NOL7: variants seen among roughly 807,000 people sequenced by gnomAD.
NOL7 encodes U3 small nucleolar RNA-associated protein NOL7.
Under a neutral mutation model 38.4 loss-of-function variants are expected in NOL7, and 36 were observed. The observed-to-expected ratio is 0.94, with a 90% CI of 0.72 to 1.24. NOL7 has a LOEUF of 1.24. Ranked by LOEUF, NOL7 falls within the 50% of genes most tolerant of loss-of-function variation. The probability of loss-of-function intolerance (pLI) is 0.00; values close to 1 mark genes in which losing one functional copy is unlikely to be tolerated. For synonymous variants in NOL7, 142 were observed against 126.5 expected (o/e 1.12, Z -0.82); for missense variants, 350 against 315.1 (o/e 1.11, Z -0.84).
chr6:13,623,926 TAAG>T (rs145622944), downstream of NOL7, among the ~76,000 whole-genome samples: 875 of 152,322 alleles, frequency 5.7e-3, 3 homozygotes, highest in African/African-American at 0.02. Flanking sequence ...AACTAAATTG[TAAG>T]AAAACTGGTC....
downstream of NOL7, among the ~76,000 whole-genome samples, chr6:13,623,884 TCAA>T (rs534344566): frequency 1.3e-3 from 201 of 152,320 alleles, 2 homozygotes; most frequent in African/African-American, 4.7e-3. Flanking sequence ...ATAATGGTGC[TCAA>T]CAATTAAATT....
At chr6:13,630,963 C>T (rs895023897) in intron 8 of NOL7, among the ~76,000 whole-genome samples, 5 of 152,066 alleles carry the variant, frequency 3.3e-5, no homozygotes, top group African/African-American at 1.2e-4. Flanking sequence ...GCGCCCGCCA[C>T]CAGGCCCAGC....
chr6:13,623,575 C>G (rs1017230874), downstream of NOL7, among the ~76,000 whole-genome samples: 41 of 152,094 alleles, frequency 2.7e-4, no homozygotes, highest in African/African-American at 9.4e-4. Context: ...CAGGGAAGAC[C>G]GTGCTCAAAG....
At chr6:13,616,625 C>A in intron 3 of NOL7, 104 bp downstream of exon 3, 2 of 752,872 alleles carry the variant, frequency 2.7e-6, no homozygotes, top group East Asian at 2.8e-5. Context: ...ATTGTAGAAC[C>A]CAAATTCAAA....
downstream of NOL7, among the ~76,000 whole-genome samples, chr6:13,626,546 C>G (rs1266085195): frequency 6.6e-6 from 1 of 152,186 alleles, no homozygotes; most frequent in Non-Finnish European, 1.5e-5. Context: ...TTAGCAGTAT[C>G]AGTTCATTCT....
At chr6:13,620,687 G>T in intron 7 of NOL7, 67 bp from the exon 8 acceptor site, 1 of 1,082,482 alleles carries the variant, frequency 9.2e-7, no homozygotes, top group South Asian at 1.5e-5. Context: ...CATTCATATA[G>T]AGTAATTAAA....
chr6:13,629,610 T>C (rs1764718070), intron 8 of NOL7, among the ~76,000 whole-genome samples: 1 of 152,160 alleles, frequency 6.6e-6, no homozygotes, highest in Non-Finnish European at 1.5e-5. Flanking sequence ...CTTCAGTTAC[T>C]AAAGGGTCCT....
At chr6:13,625,569 CA>C, downstream of NOL7, 1 of 808,854 alleles carries the variant, frequency 1.2e-6, no homozygotes, top group Non-Finnish European at 2.0e-6. Context: ...ATGATTTTAC[CA>C]AAGTGTAAAT....
intron 7 of NOL7, 42 bp downstream of exon 7, chr6:13,620,527 T>G (rs891063815): frequency 1.3e-6 from 2 of 1,525,704 alleles, no homozygotes; most frequent in African/African-American, 2.7e-5. Context: ...TAGCTTTATA[T>G]GTTGAATAAT....
chr6:13,630,700 A>T (rs1188292521), intron 8 of NOL7, among the ~76,000 whole-genome samples: 3 of 152,128 alleles, frequency 2.0e-5, no homozygotes, highest in Non-Finnish European at 4.4e-5. Context: ...TATATAGTGG[A>T]ATTTTCCAGA....
chr6:13,620,253 G>C lies in NOL7; in HGVS notation c.546G>C (p.Leu182=). The C allele has an allele frequency of 1.2e-6, 2 of 1,614,158 alleles. No individual in the cohort carries two copies. Among genetic ancestry groups the C allele is most frequent in the South Asian group, 1.1e-5 (1 of 91,086 alleles). Residue 182 remains leucine (L), a synonymous_variant, in exon 6 of 8, where the codon CTG becomes CTC. Coordinates refer to ENST00000451315, the MANE Select transcript of NOL7 (RefSeq NM_016167.5). ...CCGTAAGGCTAAAAGACCAAGATCTGAGAGATTCAAGGCAACAAGCAGCAC... is the reference window on the plus strand; with the variant it reads ...CCGTAAGGCTAAAAGACCAAGATCTCAGAGATTCAAGGCAACAAGCAGCAC... The part of the protein sequence containing the change: ...YLAVRLKDQD[L]RDSRQQAAQA...
In NOL7 at chr6:13,615,567, C is replaced by T; in HGVS notation, c.209C>T (p.Ala70Val). Residue 70 changes from alanine (A) to valine (V), a missense_variant, in exon 1 of 8, where the codon GCC becomes GTC. Coordinates refer to ENST00000451315, the MANE Select transcript of NOL7 (RefSeq NM_016167.5). ...DDEAPEELTF[A>V]SAQAEAREEE... ...GAGGCCCCGGAGGAGCTGACTTTCG[C>T]CAGCGCCCAGGCGGAAGCGAGAGAA... The T allele has an allele frequency of 6.4e-7, 1 of 1,567,568 alleles. No individual in the cohort carries two copies. The highest frequency in any genetic ancestry group is 8.7e-7 in the Non-Finnish European group (1 of 1,154,906).
rs1484307755 is a variant in NOL7, at chr6:13,620,406, A to G, written c.623-2A>G. 1.2e-6 allele frequency: 2 copies of G among 1,613,946 alleles called. No homozygotes were observed. Among genetic ancestry groups the G allele is most frequent in the African/African-American group, 2.7e-5 (2 of 74,926 alleles). On this transcript the variant is annotated splice_acceptor_variant, in intron 6 of 7. Coordinates refer to ENST00000451315, the MANE Select transcript of NOL7 (RefSeq NM_016167.5). LOFTEE classifies it high-confidence loss of function. ...GAAATGATAAATACCTTTCTTTTCT[A>G]GTAAATAAGTTCCTGTCTCTTGCCA... is the stretch of plus-strand genomic sequence containing the variant.
At chr6:13,626,855 A>G (rs560231015) in intron 8 of NOL7, among the ~76,000 whole-genome samples, 1 of 152,314 alleles carries the variant, frequency 6.6e-6, no homozygotes, top group African/African-American at 2.4e-5. Context: ...ATGAAAGCAG[A>G]GGTGGGGGAA....
chr6:13,622,380 C>T (rs751481700), downstream of NOL7: 2 of 1,592,582 alleles, frequency 1.3e-6, no homozygotes, highest in South Asian at 1.1e-5. Flanking sequence ...GGTAGTCTTC[C>T]ACTGTGGCAA....
intron 3 of NOL7, among the ~76,000 whole-genome samples, chr6:13,616,726 G>C (rs1021276174): frequency 6.6e-6 from 1 of 152,206 alleles, no homozygotes; most frequent in Non-Finnish European, 1.5e-5. Flanking sequence ...CCCATAGCTA[G>C]CTTTTGAATT....
In NOL7 at chr6:13,620,158, A is replaced by AG. The variant is rs370614176; in HGVS notation, c.501-49dup. 6.5e-5 allele frequency: 101 copies of AG among 1,564,864 alleles called. No individual in the cohort carries two copies. In the Middle Eastern group the frequency reaches 6.8e-4, roughly 11 times the overall value. ...ACTCTGTCTCAGGAAGAAAAAAAAA[A>AG]GAAAGTAAGCATGTGTAATTCTTAT... On this transcript the variant is annotated intron_variant, in intron 5 of 7. Coordinates refer to ENST00000451315, the MANE Select transcript of NOL7 (RefSeq NM_016167.5).
chr6:13,615,459 G>A lies in NOL7; in HGVS notation c.101G>A (p.Gly34Glu), dbSNP rs1208417988. ...LASEEEEAEH[G>E]LLLGQPSSGA... ...TCGGAGGAGGAGGAGGCGGAGCACG[G>A]GCTGTTGCTCGGGCAGCCCAGCAGC... The change falls in exon 1 of 8, where the codon GGG becomes GAG. Residue 34 changes from glycine to glutamate, a missense_variant. Physicochemically the swap from Gly to Glu is moderately conservative, Grantham distance 98. Coordinates refer to ENST00000451315, the MANE Select transcript of NOL7 (RefSeq NM_016167.5). 2.7e-5 allele frequency: 42 copies of A among 1,550,588 alleles called. No homozygotes were observed. The highest frequency in any genetic ancestry group is 7.3e-5 in the East Asian group (3 of 40,998).
At chr6:13,618,812 G>A (rs1288374299) in intron 5 of NOL7, among the ~76,000 whole-genome samples, 1 of 152,124 alleles carries the variant, frequency 6.6e-6, no homozygotes, top group Non-Finnish European at 1.5e-5. Flanking sequence ...GATCACTTGA[G>A]CCCAGGAGGT....
Sources: gnomAD v4.1 joint callset for allele counts (sites outside exome capture counted in the v4.1 genomes callset) on GRCh38, gnomAD v4.1.1 for gene constraint, MANE v1.5 for transcripts, NCBI Gene and HGNC (gene_info 2026-07-23, HGNC 2026-07-21) for gene names.